Variants in ARHGEF28 observed in about 807,000 individuals in gnomAD.
ARHGEF28 encodes 190 kDa guanine nucleotide exchange factor.
A neutral mutation model predicts 206.6 loss-of-function variants in ARHGEF28; 152 were observed. The observed-to-expected ratio is 0.74, with a 90% CI of 0.64 to 0.84. The LOEUF (loss-of-function observed/expected upper bound fraction) is 0.84. Ranked by LOEUF, ARHGEF28 falls within the 40% of genes least tolerant of loss-of-function variation. ARHGEF28 has a pLI of 0.00. For synonymous variants in ARHGEF28, 763 were observed against 776.4 expected (o/e 0.98, Z 0.29); for missense variants, 2,028 against 2,073.2 (o/e 0.98, Z 0.42).
chr5:73,671,507 T>C (rs1342764681), intron 1 of ARHGEF28, among the ~76,000 whole-genome samples: 2 of 151,912 alleles, frequency 1.3e-5, no homozygotes, highest in African/African-American at 4.8e-5. Context: ...TCTATGTGAT[T>C]TATTACTTTT....
intron 1 of ARHGEF28, 100 bp downstream of exon 1, chr5:73,626,422 G>C (rs904339733): frequency 6.6e-6 from 1 of 152,144 alleles, no homozygotes; most frequent in African/African-American, 2.4e-5. Flanking sequence ...CTTTCTCCAG[G>C]GTCCCCAGGG....
intron 4 of ARHGEF28, among the ~76,000 whole-genome samples, chr5:73,772,313 A>G (rs980717318): frequency 6.6e-6 from 1 of 152,070 alleles, no homozygotes. Flanking sequence ...ACAGGGCCTT[A>G]GAGGTGTCTT....
intron 9 of ARHGEF28, among the ~76,000 whole-genome samples, chr5:73,819,026 G>A (rs1261620395): frequency 6.6e-6 from 1 of 152,172 alleles, no homozygotes; most frequent in Non-Finnish European, 1.5e-5. Context: ...GATAGTTCAA[G>A]TTGGGGGTAT....
chr5:73,785,523 A>G (rs1183678071), intron 7 of ARHGEF28, among the ~76,000 whole-genome samples: 3 of 152,178 alleles, frequency 2.0e-5, no homozygotes, highest in Non-Finnish European at 4.4e-5. Flanking sequence ...GTGATCTTGA[A>G]TATTCCAGAT....
At chr5:73,741,377 GTGTGTGTGTATATATATATATATA>G (rs1751391449) in intron 2 of ARHGEF28, among the ~76,000 whole-genome samples, 6 of 73,074 alleles carry the variant, frequency 8.2e-5, no homozygotes, top group East Asian at 3.6e-4. Flanking sequence ...GTGTGTGTGT[GTGTGTGTGTATATATATATATATA>G]TATATATATA....
intron 4 of ARHGEF28, among the ~76,000 whole-genome samples, chr5:73,761,689 A>C (rs957211944): frequency 2.8e-4 from 43 of 152,248 alleles, no homozygotes; most frequent in African/African-American, 9.9e-4. Flanking sequence ...CCACACCTAT[A>C]ACTGTAGTTG....
chr5:73,732,909 C>A (rs79500772), intron 2 of ARHGEF28, among the ~76,000 whole-genome samples: 8,302 of 152,098 alleles, frequency 0.055, 239 homozygotes, highest in East Asian at 0.094. Flanking sequence ...ACTTTGAGTC[C>A]TTTTTGTGCA....
chr5:73,639,981 G>A (rs571825915), intron 1 of ARHGEF28, among the ~76,000 whole-genome samples: 18 of 152,182 alleles, frequency 1.2e-4, no homozygotes, highest in Non-Finnish European at 2.4e-4. Context: ...TATTCTTAAC[G>A]CAGATGAATG....
At chr5:73,707,493 A>G (rs780124860) in intron 2 of ARHGEF28, among the ~76,000 whole-genome samples, 4 of 152,194 alleles carry the variant, frequency 2.6e-5, no homozygotes, top group Non-Finnish European at 5.9e-5. Flanking sequence ...GGGGAGTTCC[A>G]AAGAGCAGGC....
intron 21 of ARHGEF28, among the ~76,000 whole-genome samples, chr5:73,872,096 C>G (rs1760141335): frequency 6.6e-6 from 1 of 152,170 alleles, no homozygotes; most frequent in Admixed American, 6.5e-5. Context: ...TACCATTTTG[C>G]ATTCCCACCA....
At chr5:73,729,692 T>C (rs1750491116) in intron 2 of ARHGEF28, among the ~76,000 whole-genome samples, 1 of 151,896 alleles carries the variant, frequency 6.6e-6, no homozygotes, top group South Asian at 2.1e-4. Flanking sequence ...TTTGATATTA[T>C]GGAGGCAGAT....
In ARHGEF28 at chr5:73,773,968, G is replaced by A. The variant is rs369842264; in HGVS notation, c.589G>A (p.Glu197Lys). 5.0e-5 allele frequency: 80 copies of A among 1,607,028 alleles called. No individual in the cohort carries two copies. The African/African-American group carries it at 5.6e-4, about 11-fold the overall frequency. The change falls in exon 5 of 36, where the codon GAA (glutamate) becomes AAA (lysine). Residue 197 changes from glutamate (E) to lysine (K), a missense_variant. Around this residue, in one of 3 missense-constraint regions of ARHGEF28, gnomAD observed 1,002 missense variants for 1,015.3 expected, o/e 0.99. Transcript: ENST00000513042. The stretch of plus-strand genomic sequence containing the variant: ...AGTCCAGGCCTTGGCTTTACCCAAC[G>A]AAGAGGGTGCCACACCATTAGACTT... ...GGVQALALPN[E>K]EGATPLDLAL...
At position 73,788,440 on chromosome 5, in the gene ARHGEF28, AG is replaced by A. The variant is rs1232032983; in HGVS notation, c.911-5961del. 3.3e-5 allele frequency among the ~76,000 whole-genome samples: 5 copies of A among 152,322 alleles called. No individual in the cohort carries two copies. In the East Asian group the frequency reaches 9.6e-4, roughly 29 times the overall value. ...ACACTCCTCAAGCTTAACTACTCATAGCCCACTGATGACCAGAAGCCTTGTC... is the reference window on the plus strand; with the variant it reads ...ACACTCCTCAAGCTTAACTACTCATACCCACTGATGACCAGAAGCCTTGTC... On this transcript the variant is annotated intron_variant, in intron 7 of 35. Coordinates refer to ENST00000513042, the MANE Select transcript of ARHGEF28 (RefSeq NM_001177693.2).
intron 35 of ARHGEF28, among the ~76,000 whole-genome samples, chr5:73,926,787 CT>C (rs1282721462): frequency 6.6e-6 from 1 of 152,214 alleles, no homozygotes; most frequent in Admixed American, 6.5e-5. Context: ...TCATTAGCCA[CT>C]TAGCAGGATA....
Position 73,881,625 on chromosome 5 carries a change from C to T in ARHGEF28, c.2815-847C>T, listed in dbSNP as rs145240247. On this transcript the variant is annotated intron_variant, in intron 22 of 35. Transcript: ENST00000513042. ...AAGCAAAGATGAAAAGACCAGAGGT[C>T]GTGATGTAAATTTTAAGTACTTTTA... Among the ~76,000 whole-genome samples, 4 of 152,210 alleles carry T rather than the reference C, an allele frequency of 2.6e-5. 1 individual carries two copies. The East Asian group carries it at 7.7e-4, about 29-fold the overall frequency.
chr5:73,869,238 A>AG (rs1759921222), intron 20 of ARHGEF28, among the ~76,000 whole-genome samples: 1 of 141,752 alleles, frequency 7.1e-6, no homozygotes, highest in African/African-American at 2.8e-5. Context: ...GGGGTGGGGA[A>AG]GGGCATGTAT....
chr5:73,849,877 C>A (rs1758591838), intron 13 of ARHGEF28, among the ~76,000 whole-genome samples: 1 of 151,868 alleles, frequency 6.6e-6, no homozygotes, highest in Non-Finnish European at 1.5e-5. Context: ...CATGCCAATG[C>A]ATAATACATA....
chr5:73,631,796 T>C (rs1016141195), intron 1 of ARHGEF28, among the ~76,000 whole-genome samples: 2 of 138,766 alleles, frequency 1.4e-5, no homozygotes, highest in African/African-American at 5.8e-5. Context: ...TCTTTGACTT[T>C]TTCCTAGTGG....
intron 4 of ARHGEF28, among the ~76,000 whole-genome samples, chr5:73,755,051 C>CTAAG (rs1752226128): frequency 6.6e-6 from 1 of 151,664 alleles, no homozygotes; most frequent in South Asian, 2.1e-4. Context: ...TTGCTATGTG[C>CTAAG]TAAGCCCTTA....
Sources: gnomAD v4.1 joint callset for allele counts (sites outside exome capture counted in the v4.1 genomes callset) on GRCh38, gnomAD v4.1.1 for gene constraint, gnomAD v4.1.1 regional missense constraint, MANE v1.5 for transcripts, NCBI Gene and HGNC (gene_info 2026-07-23, HGNC 2026-07-21) for gene names.